COL13A1: variants seen among roughly 807,000 people sequenced by gnomAD.
COL13A1 encodes the protein collagen alpha-1(XIII) chain.
A neutral mutation model predicts 130.9 loss-of-function variants in COL13A1; 89 were observed. The ratio of observed to expected loss-of-function variants is 0.68; its 90% CI spans 0.57 to 0.81. COL13A1 has a LOEUF of 0.81. Among genes scored for constraint, COL13A1 ranks in the 30% least tolerant of loss-of-function variants. The pLI is 0.00. For missense variants in COL13A1, 879 were observed against 934.6 expected (o/e 0.94, Z 0.78); for synonymous variants, 402 against 341.6 (o/e 1.18, Z -1.95).
chr10:69,815,098 C>T (rs1396035472), intron 1 of COL13A1, among the ~76,000 whole-genome samples: 3 of 152,180 alleles, frequency 2.0e-5, no homozygotes, highest in East Asian at 3.8e-4. Context: ...GGTCATATCC[C>T]TATTTTGTAG....
intron 31 of COL13A1, among the ~76,000 whole-genome samples, chr10:69,933,482 C>G (rs1478544914): frequency 1.3e-5 from 2 of 152,138 alleles, no homozygotes; most frequent in Non-Finnish European, 2.9e-5. Context: ...CAACGGAGAT[C>G]AAGGATGCGT....
rs778493076 is a variant in COL13A1 at position 69,888,483 on chromosome 10, T to G, written c.576+153T>G. Among the ~76,000 whole-genome samples, 7 of 152,268 alleles carry G rather than the reference T, an allele frequency of 4.6e-5. No homozygotes were observed. The East Asian group carries it at 1.4e-3, about 29-fold the overall frequency. ...ACTAGTGGGAAGTGGAGGGGGCCAT[T>G]TGAGTCACCCCTGACCCCAGTGGCC... On this transcript the variant is annotated intron_variant, in intron 9 of 40. Coordinates refer to ENST00000645393, the MANE Select transcript of COL13A1 (RefSeq NM_001368882.1).
intron 32 of COL13A1, among the ~76,000 whole-genome samples, chr10:69,935,753 C>G (rs1364572972): frequency 1.3e-5 from 2 of 152,144 alleles, no homozygotes; most frequent in Non-Finnish European, 2.9e-5. Context: ...GCCCGTGATA[C>G]CAATCTGGCA....
chr10:69,878,352 T>G (rs1377727385), intron 6 of COL13A1, among the ~76,000 whole-genome samples: 1 of 152,178 alleles, frequency 6.6e-6, no homozygotes, highest in Admixed American at 6.5e-5. Flanking sequence ...CCAATCGCTA[T>G]TTTGTGTAGC....
intron 21 of COL13A1, among the ~76,000 whole-genome samples, chr10:69,921,469 C>T (rs933535265): frequency 3.3e-5 from 5 of 152,194 alleles, no homozygotes; most frequent in African/African-American, 1.2e-4. Flanking sequence ...CCCTTAGTTG[C>T]TAAGCATTAA....
In COL13A1 at chr10:69,926,039, G is replaced by A. The variant is rs571737345; in HGVS notation, c.1398+167G>A. On this transcript the variant is annotated intron_variant, in intron 26 of 40. Coordinates refer to ENST00000645393, the MANE Select transcript of COL13A1 (RefSeq NM_001368882.1). Reference sequence around the variant, plus strand: ...CTCGCTTTCTCTCCTTTGACCTCCCGCTGTGTAGCCTCCTGGGAAATGGCC... The same window carrying A: ...CTCGCTTTCTCTCCTTTGACCTCCCACTGTGTAGCCTCCTGGGAAATGGCC... The A allele has an allele frequency of 1.9e-4, 117 of 600,356 alleles. 1 individual carries two copies. The highest frequency in any genetic ancestry group is 1.5e-3 in the African/African-American group (83 of 53,964). 37.2% of individuals were successfully genotyped at this position (600,356 alleles called of 1,614,324 possible).
chr10:69,936,799 T>G lies in COL13A1; in HGVS notation c.1797+17T>G, dbSNP rs2066985956. The stretch of plus-strand genomic sequence containing the variant: ...GGACCAAAGGTAAGGAGAAGTCACA[T>G]GACAGGCGCTGTGTCAGTGCTAGTA... On this transcript the variant is annotated intron_variant, in intron 33 of 40. Transcript: ENST00000645393. 6 of 1,613,852 alleles carry G rather than the reference T, an allele frequency of 3.7e-6. No homozygotes were observed. The highest frequency in any genetic ancestry group is 1.7e-5 in the Admixed American group (1 of 60,018).
intron 2 of COL13A1, among the ~76,000 whole-genome samples, chr10:69,839,599 A>G (rs1851040337): frequency 6.6e-6 from 1 of 152,230 alleles, no homozygotes. Context: ...GCTGTGCCTG[A>G]ACTTGTCACA....
intron 5 of COL13A1, among the ~76,000 whole-genome samples, chr10:69,877,123 T>C (rs1337591197): frequency 6.6e-6 from 1 of 152,188 alleles, no homozygotes; most frequent in East Asian, 1.9e-4. Flanking sequence ...ATGGGCCCAT[T>C]TGGCTGCCCA....
At chr10:69,935,560 T>C (rs755310945) in intron 32 of COL13A1, among the ~76,000 whole-genome samples, 169 bp downstream of exon 32, 2 of 152,176 alleles carry the variant, frequency 1.3e-5, no homozygotes, top group Non-Finnish European at 2.9e-5. Context: ...AACAGCACCA[T>C]ACTGGGGACA....
chr10:69,863,093 G>A (rs1377570296), intron 2 of COL13A1, among the ~76,000 whole-genome samples: 3 of 152,152 alleles, frequency 2.0e-5, no homozygotes, highest in African/African-American at 7.2e-5. Context: ...CAGGTCTGGT[G>A]CCATTAGTCC....
chr10:69,934,489 A>G (rs79858724), intron 31 of COL13A1, among the ~76,000 whole-genome samples: 3,660 of 152,280 alleles, frequency 0.024, 62 homozygotes, highest in Non-Finnish European at 0.035. Flanking sequence ...CTGGCACAGG[A>G]GTCACTCCCC....
chr10:69,927,152 G>C (rs535229264), intron 27 of COL13A1, 42 bp downstream of exon 27: 82 of 1,613,268 alleles, frequency 5.1e-5, no homozygotes, highest in Non-Finnish European at 5.8e-5. Flanking sequence ...CACTGGACGG[G>C]GGGGCTGGGG....
Position 69,887,456 on chromosome 10 carries a change from G to C in COL13A1, c.514G>C (p.Gly172Arg). 3.1e-6 allele frequency: 5 copies of C among 1,612,492 alleles called. No homozygotes were observed. The highest frequency in any genetic ancestry group is 4.2e-6 in the Non-Finnish European group (5 of 1,179,368). ...GTGTCTCTTGTTTTTTTTTTTTCAG[G>C]GTCAACCAGGAACTAGAGGTTTCCC... Reference protein sequence around the residue: ...LSIIGPRGPPGQPGTRGFPGF... With the variant: ...LSIIGPRGPPRQPGTRGFPGF... The change falls in exon 8 of 41, where the codon GGT becomes CGT. Residue 172 changes from glycine to arginine, a missense_variant and splice_region_variant. Transcript: ENST00000645393.
intron 14 of COL13A1, 25 bp downstream of exon 14, chr10:69,898,787 C>A: frequency 6.3e-7 from 1 of 1,593,080 alleles, no homozygotes; most frequent in Non-Finnish European, 8.6e-7. Flanking sequence ...TTTGTCCAGA[C>A]CATGTGTGGT....
intron 27 of COL13A1, among the ~76,000 whole-genome samples, chr10:69,927,579 G>T (rs1326519224): frequency 1.3e-5 from 2 of 152,152 alleles, no homozygotes; most frequent in Admixed American, 6.5e-5. Context: ...TCAAGTCTGG[G>T]TTTTGTACAG....
At chr10:69,939,899 C>T (rs868673066) in intron 34 of COL13A1, among the ~76,000 whole-genome samples, 2 of 152,222 alleles carry the variant, frequency 1.3e-5, no homozygotes, top group Non-Finnish European at 2.9e-5. Context: ...CTACCCAACA[C>T]CTTTTCCATG....
At chr10:69,837,327 C>G (rs1850370145) in intron 2 of COL13A1, among the ~76,000 whole-genome samples, 1 of 152,190 alleles carries the variant, frequency 6.6e-6, no homozygotes, top group Non-Finnish European at 1.5e-5. Flanking sequence ...CACATCAGCT[C>G]CAGCTGTATC....
At chr10:69,924,760 G>A (rs562387245) in intron 24 of COL13A1, among the ~76,000 whole-genome samples, 113 of 152,308 alleles carry the variant, frequency 7.4e-4, no homozygotes, top group African/African-American at 2.6e-3. Context: ...CGAGTCTGAA[G>A]TGGGAGGCAG....
Sources: gnomAD v4.1 joint callset for allele counts (sites outside exome capture counted in the v4.1 genomes callset) on GRCh38, gnomAD v4.1.1 for gene constraint, MANE v1.5 for transcripts, NCBI Gene and HGNC (gene_info 2026-07-23, HGNC 2026-07-21) for gene names.